The following ADAMTS13 variants were observed in gnomAD, a reference collection of about 807,000 sequenced individuals.
ADAMTS13 encodes the protein ADAM metallopeptidase with thrombospondin type 1 motif 13.
ADAMTS13 carries 110 observed loss-of-function variants against 155.1 expected under a neutral mutation model. The ratio of observed to expected loss-of-function variants is 0.71; its 90% CI spans 0.61 to 0.83. ADAMTS13 has a LOEUF of 0.83. ADAMTS13 is among the 40% of genes least tolerant of loss of function. The probability of loss-of-function intolerance (pLI) is 0.00; values close to 1 mark genes in which losing one functional copy is unlikely to be tolerated. For synonymous variants in ADAMTS13, 758 were observed against 756.4 expected (o/e 1.00, Z -0.03); for missense variants, 1,707 against 1,891.7 (o/e 0.90, Z 1.81).
At chr9:133,455,756 G>T in intron 25 of ADAMTS13, 1 of 1,080,524 alleles carries the variant, frequency 9.3e-7, no homozygotes, top group Admixed American at 2.0e-5. Flanking sequence ...CCCTGGCAAA[G>T]CAAAACCTCC....
intron 21 of ADAMTS13, among the ~76,000 whole-genome samples, chr9:133,446,268 T>C (rs964769681): frequency 6.6e-6 from 1 of 152,200 alleles, no homozygotes; most frequent in African/African-American, 2.4e-5. Flanking sequence ...TGTGCGGCCA[T>C]CACCACCAAC....
Position 133,430,038 on chromosome 9 carries a change from C to T in ADAMTS13, c.924C>T (p.Asn308=). ...AGCCTGGCCTCTACTACAGCGCCAA[C>T]GAGCAGTGCCGCGTGGCCTTCGGCC... is the stretch of plus-strand genomic sequence containing the variant. ...DAQPGLYYSA[N]EQCRVAFGPK... Residue 308 remains asparagine, a synonymous_variant, in exon 8 of 29, where the codon AAC becomes AAT. Transcript: ENST00000355699. 6 of 1,595,350 alleles carry T rather than the reference C, an allele frequency of 3.8e-6. No homozygotes were observed. In the South Asian group the frequency reaches 4.5e-5, roughly 12 times the overall value.
At chr9:133,447,641 T>G (rs1423766681) in intron 21 of ADAMTS13, among the ~76,000 whole-genome samples, 2 of 152,024 alleles carry the variant, frequency 1.3e-5, no homozygotes, top group African/African-American at 4.8e-5. Context: ...CAGGCTGAAG[T>G]GCAGTGGTGT....
At chr9:133,422,302 G>A, upstream of ADAMTS13, 1 of 815,796 alleles carries the variant, frequency 1.2e-6, no homozygotes, top group South Asian at 1.5e-5. Flanking sequence ...CCCCTGCCCT[G>A]GCAGGAAGCT....
upstream of ADAMTS13, among the ~76,000 whole-genome samples, chr9:133,419,042 C>A (rs1032348305): frequency 5.3e-5 from 8 of 152,108 alleles, no homozygotes. Context: ...GGTTTCGCCA[C>A]GTTGGCCAGG....
exon 1 of ADAMTS13, chr9:133,414,624 G>T (rs782352892): frequency 1.3e-6 from 2 of 1,577,846 alleles, no homozygotes; most frequent in Non-Finnish European, 8.7e-7. Context: ...TGGTGAAGTC[G>T]CTGTGCCTCG....
Position 133,424,371 on chromosome 9 carries a change from G to T in ADAMTS13, c.223G>T (p.Ala75Ser). ...FQRQRQRQRR[A>S]AGGILHLELL... is the part of the protein sequence containing the mutation. ...GAGGCAGAGGCAGAGGCAGAGGCGGGCTGCAGGCGGCATCCTACACCTGGA... is the reference window on the plus strand; with the variant it reads ...GAGGCAGAGGCAGAGGCAGAGGCGGTCTGCAGGCGGCATCCTACACCTGGA... The change falls in exon 3 of 29, where the codon GCT (alanine) becomes TCT (serine). Residue 75 changes from alanine to serine, a missense_variant. Physicochemically the swap from Ala to Ser is moderately conservative, Grantham distance 99. This residue lies in a region of ADAMTS13 where 733 missense variants were observed against 749.6 expected (regional missense o/e 0.98). Coordinates refer to ENST00000355699, the MANE Select transcript of ADAMTS13 (RefSeq NM_139027.6). This position sits in a 1 kb window ranked among gnomAD's most constrained non-coding sequence, Gnocchi z 4.3. 1 of 1,613,298 alleles carries T rather than the reference G, an allele frequency of 6.2e-7. No homozygotes were observed. The highest frequency in any genetic ancestry group is 8.5e-7 in the Non-Finnish European group (1 of 1,179,922).
upstream of ADAMTS13, chr9:133,417,533 C>T: frequency 2.8e-6 from 4 of 1,411,256 alleles, no homozygotes; most frequent in Admixed American, 1.8e-5. Flanking sequence ...CTTTACAGGT[C>T]TTTTGGGGCT....
At chr9:133,454,940 AG>A (rs1554795305) in intron 24 of ADAMTS13, among the ~76,000 whole-genome samples, 3 of 152,182 alleles carry the variant, frequency 2.0e-5, no homozygotes, top group African/African-American at 7.2e-5. Flanking sequence ...AATGGGGTTC[AG>A]GCTGCCCCCT....
chr9:133,453,252 C>T (rs1367498684), intron 23 of ADAMTS13, among the ~76,000 whole-genome samples: 6 of 152,096 alleles, frequency 3.9e-5, no homozygotes, highest in Non-Finnish European at 7.4e-5. Context: ...CTGGCTAACA[C>T]GGTGAAACCC....
chr9:133,448,449 C>T, intron 21 of ADAMTS13, 150 bp from the exon 22 acceptor site: 2 of 951,620 alleles, frequency 2.1e-6, no homozygotes, highest in Non-Finnish European at 1.7e-6. Flanking sequence ...AGGGTTAAGT[C>T]AGTTGTCTGA....
chr9:133,421,772 G>A (rs117446670), upstream of ADAMTS13, among the ~76,000 whole-genome samples: 257 of 152,322 alleles, frequency 1.7e-3, 5 homozygotes, highest in East Asian at 0.046. Flanking sequence ...GAGGAGAGAG[G>A]CTGCACTTTG....
intron 27 of ADAMTS13, among the ~76,000 whole-genome samples, chr9:133,457,419 C>T (rs909914133): frequency 2.5e-4 from 38 of 152,210 alleles, no homozygotes; most frequent in African/African-American, 8.4e-4. Context: ...AGTGCACAGG[C>T]GCTGCTGGGC....
At chr9:133,415,104 T>A (rs1839497866) in intron 1 of ADAMTS13, 1 of 948,414 alleles carries the variant, frequency 1.1e-6, no homozygotes, top group East Asian at 2.4e-5. Flanking sequence ...TATACACACA[T>A]ATACACCAAA....
chr9:133,423,194 G>T (rs370996028), intron 2 of ADAMTS13, 27 bp downstream of exon 2: 3 of 1,604,410 alleles, frequency 1.9e-6, no homozygotes, highest in South Asian at 1.1e-5. Context: ...CTTCTCTCCC[G>T]GGGGGAGTTT....
At chr9:133,449,493 G>A (rs1463222360) in intron 22 of ADAMTS13, among the ~76,000 whole-genome samples, 6 of 152,192 alleles carry the variant, frequency 3.9e-5, no homozygotes, top group Non-Finnish European at 8.8e-5. Flanking sequence ...GTTGAAGACA[G>A]ACATGCAGGG....
rs1554786717 is a variant in ADAMTS13 at position 133,429,983 on chromosome 9, C to T, written c.869C>T (p.Pro290Leu). The T allele has an allele frequency of 6.4e-7, 1 of 1,552,328 alleles. No homozygotes were observed. Among genetic ancestry groups the T allele is most frequent in the Non-Finnish European group, 8.7e-7 (1 of 1,153,688 alleles). Residue 290 changes from proline (P) to leucine (L), a missense_variant, in exon 8 of 29, where the codon CCC (proline) becomes CTC (leucine). Pro to Leu is a moderately conservative substitution (Grantham distance 98). Transcript: ENST00000355699. ...GTGTGGGACCCGCCGCGGCCTCAAC[C>T]CGGGTCCGCGGGGCACCCGCCGGAT... is the stretch of plus-strand genomic sequence containing the variant. ...RCVWDPPRPQ[P>L]GSAGHPPDAQ...
At chr9:133,423,947 C>T (rs1554784326) in intron 2 of ADAMTS13, among the ~76,000 whole-genome samples, 3 of 152,272 alleles carry the variant, frequency 2.0e-5, no homozygotes, top group African/African-American at 7.2e-5. Context: ...GCCCCTGCTT[C>T]CCAAGAGACC....
intron 1 of ADAMTS13, chr9:133,415,514 T>G (rs1839534237): frequency 6.5e-6 from 1 of 153,482 alleles, no homozygotes; most frequent in African/African-American, 2.4e-5. Flanking sequence ...CAAACTGGAG[T>G]GGCTGAAGAA....
Sources: allele counts gnomAD v4.1 joint callset (sites outside exome capture counted in the v4.1 genomes callset), GRCh38; gene constraint gnomAD v4.1.1; regional missense constraint gnomAD v4.1.1; non-coding constraint Gnocchi (gnomAD v3.1); transcripts MANE v1.5; gene names NCBI Gene and HGNC (gene_info 2026-07-23, HGNC 2026-07-21).